Variants in CLMN observed in about 807,000 individuals in gnomAD.
CLMN encodes the protein calmin, also known as calmin (calponin-like, transmembrane).
Under a neutral mutation model 92.7 loss-of-function variants are expected in CLMN, and 57 were observed. The ratio of observed to expected loss-of-function variants is 0.61; its 90% CI spans 0.50 to 0.77. The LOEUF (loss-of-function observed/expected upper bound fraction) is 0.77, where lower values mean the gene tolerates loss of function less well. Among genes scored for constraint, CLMN ranks in the 30% least tolerant of loss-of-function variants. The pLI is 0.00. For synonymous variants in CLMN, 466 were observed against 470.6 expected (o/e 0.99, Z 0.13); for missense variants, 1,158 against 1,237.5 (o/e 0.94, Z 0.96).
At chr14:95,279,512 G>A (rs954003989) in intron 1 of CLMN, among the ~76,000 whole-genome samples, 11 of 152,298 alleles carry the variant, frequency 7.2e-5, no homozygotes, top group Admixed American at 4.6e-4. Context: ...TGGCCAGGGC[G>A]GTGGCTCACG....
chr14:95,218,430 G>C (rs896686388), intron 4 of CLMN, among the ~76,000 whole-genome samples: 3 of 152,214 alleles, frequency 2.0e-5, no homozygotes, highest in Non-Finnish European at 2.9e-5. Flanking sequence ...GCAGGGGAGA[G>C]AGGAGAGGAC....
At chr14:95,250,680 G>T (rs1898745675) in intron 1 of CLMN, among the ~76,000 whole-genome samples, 1 of 152,220 alleles carries the variant, frequency 6.6e-6, no homozygotes, top group Non-Finnish European at 1.5e-5. Context: ...GAGCTACAGA[G>T]CATGTCATCC....
rs576857618 is a variant in CLMN at position 95,213,958 on chromosome 14, G to C, written c.418-549C>G. ...CAGTAGGTTACGTCTAACTTAGTTT[G>C]AAAGATGAGTAGGAGGTCTAGCGCA... On this transcript the variant is annotated intron_variant, in intron 5 of 12. Transcript: ENST00000298912. Among the ~76,000 whole-genome samples, 19 of 152,164 alleles carry C rather than the reference G, an allele frequency of 1.2e-4. No homozygotes were observed. The South Asian group carries it at 2.9e-3, about 23-fold the overall frequency.
intron 1 of CLMN, among the ~76,000 whole-genome samples, chr14:95,245,796 T>TTGGATGGATGGATGGATGGA (rs150318487): frequency 7.1e-6 from 1 of 140,362 alleles, no homozygotes. Context: ...GGTTGGATTA[T>TTGGATGGATGGATGGATGGA]TGGATGGATG....
chr14:95,295,310 G>A (rs1297801908), intron 1 of CLMN, among the ~76,000 whole-genome samples: 1 of 152,234 alleles, frequency 6.6e-6, no homozygotes. Flanking sequence ...CAGAGCCATT[G>A]GTTGTGAAGG....
intron 8 of CLMN, 76 bp downstream of exon 8, chr14:95,209,319 A>G: frequency 7.3e-7 from 1 of 1,368,552 alleles, no homozygotes; most frequent in East Asian, 2.3e-5. Flanking sequence ...AACGCTGCCC[A>G]CGTCCCTGCT....
At chr14:95,207,191 T>C (rs912021576) in intron 8 of CLMN, among the ~76,000 whole-genome samples, 8 of 152,220 alleles carry the variant, frequency 5.3e-5, no homozygotes, top group African/African-American at 1.9e-4. Flanking sequence ...AATCAATATA[T>C]TCGTCACCTC....
intron 1 of CLMN, among the ~76,000 whole-genome samples, chr14:95,265,214 C>T (rs1899425401): frequency 6.6e-6 from 1 of 151,642 alleles, no homozygotes; most frequent in Non-Finnish European, 1.5e-5. Flanking sequence ...GCACTGCAGC[C>T]TGGGTGAAAG....
At chr14:95,213,041 C>T (rs995691307) in intron 6 of CLMN, among the ~76,000 whole-genome samples, 178 bp downstream of exon 6, 5 of 152,202 alleles carry the variant, frequency 3.3e-5, no homozygotes, top group Non-Finnish European at 5.9e-5. Context: ...CTCGCCTCGG[C>T]CTCCCAAAGT....
Position 95,191,409 on chromosome 14 carries a change from A to T in CLMN, c.*155T>A, listed in dbSNP as rs919905089. ...GTCCAGAAAAAAAAGGAAACCTGAA[A>T]AAAAAAAAAAAACCACAATAGCGAG... On this transcript the variant is annotated 3_prime_UTR_variant, in exon 13 of 13. Transcript: ENST00000298912. This position sits in a 1 kb window ranked among gnomAD's most constrained non-coding sequence, Gnocchi z 5.3. The T allele has an allele frequency of 4.1e-5, 20 of 491,438 alleles. No homozygotes were observed. The highest frequency in any genetic ancestry group is 5.6e-5 in the Non-Finnish European group (17 of 301,548). 30.4% of individuals were successfully genotyped at this position (491,438 alleles called of 1,614,324 possible).
intron 1 of CLMN, among the ~76,000 whole-genome samples, chr14:95,287,308 G>A (rs371616207): frequency 6.6e-6 from 1 of 152,184 alleles, no homozygotes; most frequent in Non-Finnish European, 1.5e-5. Context: ...GCCCAGCTCC[G>A]TGGCCAGGCT....
intron 1 of CLMN, among the ~76,000 whole-genome samples, chr14:95,245,201 ATATATATTATATATATATATATAT>A (rs1898443066): frequency 6.2e-5 from 2 of 32,060 alleles, no homozygotes; most frequent in African/African-American, 3.1e-4. Flanking sequence ...TATAATATAT[ATATATATTATATATATATATATAT>A]TATATATATA....
Position 95,295,729 on chromosome 14 carries a change from G to A in CLMN, c.82+23982C>T, listed in dbSNP as rs550701411. Among the ~76,000 whole-genome samples, 3 of 152,352 alleles carry A rather than the reference G, an allele frequency of 2.0e-5. No individual in the cohort carries two copies. In the East Asian group the frequency reaches 5.8e-4, roughly 29 times the overall value. On this transcript the variant is annotated intron_variant, in intron 1 of 12. Transcript: ENST00000298912. ...AGGACCAGGCCACTTAAAGTGACAG[G>A]TGGCCAATGACAGATGAATGACCCA... is the stretch of plus-strand genomic sequence containing the variant.
At chr14:95,196,423 A>G in intron 10 of CLMN, 75 bp downstream of exon 10, 2 of 1,435,412 alleles carry the variant, frequency 1.4e-6, no homozygotes, top group Non-Finnish European at 9.5e-7. Flanking sequence ...CTCCCACCCC[A>G]TCAAATCAGA....
At chr14:95,300,755 T>C (rs1901015986) in intron 1 of CLMN, among the ~76,000 whole-genome samples, 1 of 152,234 alleles carries the variant, frequency 6.6e-6, no homozygotes, top group African/African-American at 2.4e-5. Flanking sequence ...ACTCTCCCTG[T>C]AGTCTGCCAT....
intron 10 of CLMN, among the ~76,000 whole-genome samples, chr14:95,195,994 A>G (rs1187630): frequency 0.86 from 131,500 of 152,192 alleles, 57,381 homozygotes; most frequent in Non-Finnish European, 0.93. Flanking sequence ...AAGCATCCCT[A>G]CTTCCTTGGA....
intron 1 of CLMN, among the ~76,000 whole-genome samples, chr14:95,260,931 T>C (rs1899225908): frequency 6.6e-6 from 1 of 152,048 alleles, no homozygotes; most frequent in Admixed American, 6.5e-5. Context: ...AACCTCTGGT[T>C]ACAAATTTTT....
In CLMN at chr14:95,230,063, C is replaced by T. The variant is rs753721187; in HGVS notation, c.144+9G>A. On this transcript the variant is annotated intron_variant, in intron 2 of 12. Transcript: ENST00000298912. ...CTATCACTTAGCAAACACCCAAGTG[C>T]GCCATTACCTTTTCTAGATGTAGAT... 1.1e-5 allele frequency: 18 copies of T among 1,613,656 alleles called. No homozygotes were observed. The highest frequency in any genetic ancestry group is 5.0e-5 in the Admixed American group (3 of 60,026).
At chr14:95,213,463 G>A (rs1897252005) in intron 5 of CLMN, 54 bp from the exon 6 acceptor site, 1 of 1,527,930 alleles carries the variant, frequency 6.5e-7, no homozygotes, top group Admixed American at 2.2e-5. Context: ...CTCTCAGCAA[G>A]CCCCTTGTCT....
Sources: gnomAD v4.1 joint callset for allele counts (sites outside exome capture counted in the v4.1 genomes callset) on GRCh38, gnomAD v4.1.1 for gene constraint, Gnocchi (gnomAD v3.1) non-coding constraint, MANE v1.5 for transcripts, NCBI Gene and HGNC (gene_info 2026-07-23, HGNC 2026-07-21) for gene names.